NECTIN1: variants seen among roughly 807,000 people sequenced by gnomAD.
NECTIN1 encodes nectin cell adhesion molecule 1.
A neutral mutation model predicts 48.0 loss-of-function variants in NECTIN1; 23 were observed. The ratio of observed to expected loss-of-function variants is 0.48; its 90% confidence interval spans 0.34 to 0.68. The LOEUF (loss-of-function observed/expected upper bound fraction) is 0.68, where lower values mean the gene tolerates loss of function less well. Among genes scored for constraint, NECTIN1 ranks in the 30% least tolerant of loss-of-function variants. The pLI is 0.01. For synonymous variants in NECTIN1, 270 were observed against 288.9 expected (o/e 0.93, Z 0.66); for missense variants, 591 against 709.9 (o/e 0.83, Z 1.90).
intron 1 of NECTIN1, among the ~76,000 whole-genome samples, chr11:119,696,944 G>C (rs1865349505): frequency 6.6e-6 from 1 of 152,122 alleles, no homozygotes; most frequent in South Asian, 2.1e-4. Flanking sequence ...AAGATCAACA[G>C]GAGACCTGGC....
chr11:119,639,943 A>C, exon 6 of NECTIN1: 1 of 1,614,156 alleles, frequency 6.2e-7, no homozygotes, highest in Admixed American at 1.7e-5. Context: ...AACTAGGATG[A>C]GGAACACGGC....
In NECTIN1 at chr11:119,677,030, A is replaced by G; in HGVS notation, c.851+72T>C. On this transcript the variant is annotated intron_variant, in intron 4 of 5. Coordinates refer to ENST00000264025, the MANE Select transcript of NECTIN1 (RefSeq NM_002855.5). This position sits in a 1 kb window ranked among gnomAD's most constrained non-coding sequence, Gnocchi z 5.4. ...CTGCCTAAAGGCTCCTGGAGGTAGG[A>G]TGGTTGCCCCTCATCACCCGTGGTC... 7.6e-7 allele frequency: 1 copy of G among 1,308,488 alleles called. No individual in the cohort carries two copies. The highest frequency in any genetic ancestry group is 1.2e-5 in the South Asian group (1 of 85,154). 81.1% of individuals were successfully genotyped at this position (1,308,488 alleles called of 1,614,324 possible). A position where few individuals can be genotyped will look rare whatever the true frequency, so the allele number is the denominator to read the frequency against.
chr11:119,691,439 G>A (rs546590247), intron 1 of NECTIN1, among the ~76,000 whole-genome samples: 15 of 152,352 alleles, frequency 9.8e-5, no homozygotes, highest in African/African-American at 3.6e-4. Context: ...GTTGTGACAT[G>A]GGGTTTTGGG....
rs76386775 is a variant in NECTIN1 at position 119,681,620 on chromosome 11, C to T, written c.80-2855G>A. Among the ~76,000 whole-genome samples the T allele has an allele frequency of 7.3e-3, 1,109 of 152,184 alleles. 12 individuals carry two copies. The highest frequency in any genetic ancestry group is 0.026 in the African/African-American group (1,063 of 41,504). The stretch of plus-strand genomic sequence containing the variant: ...GGTGGGGAGGGTGCTGCAAGGTGGC[C>T]GGGCACCCCAGAGGCCCCCTTACAT... On this transcript the variant is annotated intron_variant, in intron 1 of 5. Transcript: ENST00000264025.
In NECTIN1 at chr11:119,673,532, A is replaced by G. The variant is rs1279637999; in HGVS notation, c.1003+1627T>C. 1.3e-5 allele frequency among the ~76,000 whole-genome samples: 2 copies of G among 152,212 alleles called. No homozygotes were observed. The highest frequency in any genetic ancestry group is 1.3e-4 in the Admixed American group (2 of 15,288). ...TAAGAAGCCTGAGACAAGTGTGAGT[A>G]TCCCCATATCAGAGGTTAGGAAGCC... On this transcript the variant is annotated intron_variant, in intron 5 of 5. Coordinates refer to ENST00000264025, the MANE Select transcript of NECTIN1 (RefSeq NM_002855.5). The surrounding 1 kb of genome is among the most constrained non-coding windows in gnomAD (Gnocchi z 5.8).
chr11:119,668,458 G>A (rs900459179), intron 5 of NECTIN1, among the ~76,000 whole-genome samples: 5 of 152,112 alleles, frequency 3.3e-5, no homozygotes, highest in African/African-American at 1.2e-4. Flanking sequence ...TCATGCAACC[G>A]TATCTTGGGT....
rs796350711 is a variant in NECTIN1 at position 119,662,699 on chromosome 11, T to C, written c.*2048A>G. On this transcript the variant is annotated 3_prime_UTR_variant, in exon 6 of 6. Coordinates refer to ENST00000264025, the MANE Select transcript of NECTIN1 (RefSeq NM_002855.5). This position sits in a 1 kb window ranked among gnomAD's most constrained non-coding sequence, Gnocchi z 5.3. ...GTTGTAAGGTGGGATGGGGCAGTGA[T>C]GTAATGTGGAAAAGGTCCCCTGTCC... 7.1e-6 allele frequency: 7 copies of C among 985,476 alleles called. 1 individual carries two copies. In the African/African-American group the frequency reaches 1.1e-4, roughly 15 times the overall value. 61.0% of individuals were successfully genotyped at this position (985,476 alleles called of 1,614,324 possible).
intron 5 of NECTIN1, among the ~76,000 whole-genome samples, chr11:119,669,601 T>A (rs1864834404): frequency 6.6e-6 from 1 of 151,710 alleles, no homozygotes; most frequent in South Asian, 2.1e-4. Context: ...CCTGTTGAAG[T>A]GTAACATATC....
chr11:119,648,331 A>ATGG (rs1167248723), intron 5 of NECTIN1, among the ~76,000 whole-genome samples: 7 of 3,202 alleles, frequency 2.2e-3, no homozygotes, highest in African/African-American at 2.6e-3. Context: ...GATGGTGGTG[A>ATGG]TGGTGGTGGT....
intron 1 of NECTIN1, among the ~76,000 whole-genome samples, chr11:119,704,871 G>A (rs1029645104): frequency 6.6e-6 from 1 of 152,240 alleles, no homozygotes; most frequent in Non-Finnish European, 1.5e-5. Context: ...GCAGCAAGGG[G>A]ACAGCTCTAG....
At chr11:119,680,771 A>G (rs945388654) in intron 1 of NECTIN1, among the ~76,000 whole-genome samples, 1 of 152,176 alleles carries the variant, frequency 6.6e-6, no homozygotes, top group Non-Finnish European at 1.5e-5. Context: ...CTCAAGGTCC[A>G]TCAGGCCTAT....
At chr11:119,705,967 C>A (rs576499728) in intron 1 of NECTIN1, among the ~76,000 whole-genome samples, 1 of 152,100 alleles carries the variant, frequency 6.6e-6, no homozygotes, top group East Asian at 1.9e-4. Context: ...CGGGGAGGGG[C>A]GGGGCAGGGG....
chr11:119,696,506 C>T (rs1047137818), intron 1 of NECTIN1, among the ~76,000 whole-genome samples: 1 of 152,194 alleles, frequency 6.6e-6, no homozygotes, highest in African/African-American at 2.4e-5. Context: ...TGCCCCACCC[C>T]CACTGAGAGC....
intron 5 of NECTIN1, among the ~76,000 whole-genome samples, chr11:119,667,288 C>A (rs1267736243): frequency 6.6e-6 from 1 of 152,240 alleles, no homozygotes; most frequent in Non-Finnish European, 1.5e-5. Flanking sequence ...TGCCTGCCCC[C>A]CTCCTCGGTT....
intron 5 of NECTIN1, among the ~76,000 whole-genome samples, chr11:119,667,030 C>T (rs1229987169): frequency 1.3e-5 from 2 of 152,198 alleles, no homozygotes; most frequent in Non-Finnish European, 2.9e-5. Flanking sequence ...CCGCTCCCCA[C>T]CTGCCACCAC....
intron 1 of NECTIN1, among the ~76,000 whole-genome samples, chr11:119,701,942 C>T (rs1856651677): frequency 3.9e-5 from 6 of 152,206 alleles, no homozygotes; most frequent in Admixed American, 3.9e-4. Flanking sequence ...TCCCAATTAT[C>T]TCCCTCTATG....
chr11:119,659,772 G>A (rs1591445231), downstream of NECTIN1, among the ~76,000 whole-genome samples: 2 of 152,178 alleles, frequency 1.3e-5, no homozygotes, highest in South Asian at 2.1e-4. Context: ...CTAATTTGCC[G>A]GAACGCTCTA....
At chr11:119,720,864 G>C (rs541115230) in intron 1 of NECTIN1, among the ~76,000 whole-genome samples, 22 of 152,296 alleles carry the variant, frequency 1.4e-4, no homozygotes, top group Admixed American at 1.1e-3. Flanking sequence ...CAAGGAACGC[G>C]AGCTGGGGAG....
At position 119,728,625 on chromosome 11, in the gene NECTIN1, A is replaced by T; in HGVS notation, c.-72T>A. 1.3e-6 allele frequency: 1 copy of T among 773,636 alleles called. No homozygotes were observed. Among genetic ancestry groups the T allele is most frequent in the Non-Finnish European group, 1.8e-6 (1 of 565,482 alleles). 47.9% of individuals were successfully genotyped at this position (773,636 alleles called of 1,614,324 possible). On this transcript the variant is annotated 5_prime_UTR_variant, in exon 1 of 6. Transcript: ENST00000264025. Reference sequence around the variant, plus strand: ...CGCGCAGCAGAAACCAGCCCGGAAGATGAGGGAAGATCGCTGGCGGTCGGC... The same window carrying T: ...CGCGCAGCAGAAACCAGCCCGGAAGTTGAGGGAAGATCGCTGGCGGTCGGC...
Sources: allele counts gnomAD v4.1 joint callset (sites outside exome capture counted in the v4.1 genomes callset), GRCh38; gene constraint gnomAD v4.1.1; non-coding constraint Gnocchi (gnomAD v3.1); transcripts MANE v1.5; gene names NCBI Gene and HGNC (gene_info 2026-07-23, HGNC 2026-07-21).